INTS7: variants seen among roughly 807,000 people sequenced by gnomAD.
INTS7 encodes the protein chromosome 1 open reading frame 73.
In INTS7, 46 loss-of-function variants were observed where a neutral mutation model predicts 109.2. The observed-to-expected ratio is 0.42, with a 90% CI of 0.33 to 0.54. The LOEUF is 0.54. Among genes scored for constraint, INTS7 ranks in the 20% least tolerant of loss-of-function variants. The probability of loss-of-function intolerance (pLI) is 0.07; values close to 1 mark genes in which losing one functional copy is unlikely to be tolerated. For synonymous variants in INTS7, 412 were observed against 402.9 expected (o/e 1.02, Z -0.27); for missense variants, 929 against 1,132.4 (o/e 0.82, Z 2.58).
At chr1:212,014,833 G>A (rs952660735) in intron 4 of INTS7, among the ~76,000 whole-genome samples, 13 of 152,336 alleles carry the variant, frequency 8.5e-5, no homozygotes, top group Non-Finnish European at 1.8e-4. Flanking sequence ...ACGGAGTCTC[G>A]CTCACTCAGT....
At chr1:212,035,261 G>C in intron 1 of INTS7, 83 bp downstream of exon 1, 1 of 932,642 alleles carries the variant, frequency 1.1e-6, no homozygotes, top group Non-Finnish European at 1.8e-6. Flanking sequence ...GCGCCTATCC[G>C]TCTTCTCCCA....
Position 212,006,728 on chromosome 1 carries a change from G to T in INTS7, c.790C>A (p.Pro264Thr). The change falls in exon 7 of 20, where the codon CCC becomes ACC. Residue 264 changes from proline (P) to threonine (T), a missense_variant. By Grantham distance (38) the Pro-to-Thr change is conservative. Coordinates refer to ENST00000366994, the MANE Select transcript of INTS7 (RefSeq NM_015434.4). Reference sequence around the variant, plus strand: ...GCAAGTCTCTTTACTGCCTTCCTGGGATCATTCTTCAAATACTGCAACAGA... The same window carrying T: ...GCAAGTCTCTTTACTGCCTTCCTGGTATCATTCTTCAAATACTGCAACAGA... ...QLLLQYLKNDPRKAVKRLAIQ... is the reference protein window; with the variant it reads ...QLLLQYLKNDTRKAVKRLAIQ... The T allele has an allele frequency of 6.2e-7, 1 of 1,604,936 alleles. No homozygotes were observed. Among genetic ancestry groups the T allele is most frequent in the South Asian group, 1.1e-5 (1 of 89,842 alleles).
intron 8 of INTS7, among the ~76,000 whole-genome samples, chr1:211,984,340 C>G (rs1664799320): frequency 6.6e-6 from 1 of 151,360 alleles, no homozygotes; most frequent in Non-Finnish European, 1.5e-5. Context: ...CCAACACTCA[C>G]CATAGAAAAC....
intron 17 of INTS7, among the ~76,000 whole-genome samples, chr1:211,947,615 A>G (rs1036955020): frequency 3.3e-5 from 5 of 152,174 alleles, no homozygotes; most frequent in African/African-American, 1.2e-4. Flanking sequence ...ACGGATAAAT[A>G]AAGTATGCTG....
chr1:211,974,794 AACTTTAGTT>A (rs1334948084), intron 13 of INTS7, among the ~76,000 whole-genome samples: 4 of 152,152 alleles, frequency 2.6e-5, no homozygotes, highest in Non-Finnish European at 4.4e-5. Context: ...TAAAGCAAGA[AACTTTAGTT>A]ACTTAGTCAG....
At chr1:211,951,509 T>C (rs1571841681) in intron 17 of INTS7, among the ~76,000 whole-genome samples, 4 of 152,158 alleles carry the variant, frequency 2.6e-5, no homozygotes, top group Admixed American at 2.6e-4. Context: ...GGTTTCACCA[T>C]GTTAGTCAGG....
intron 7 of INTS7, among the ~76,000 whole-genome samples, chr1:212,004,113 G>C (rs753122996): frequency 6.6e-6 from 1 of 152,224 alleles, no homozygotes; most frequent in Non-Finnish European, 1.5e-5. Context: ...CGGAGGCTGA[G>C]GCAGGTGGAT....
intron 4 of INTS7, among the ~76,000 whole-genome samples, chr1:212,012,069 G>A (rs1395498342): frequency 1.3e-5 from 2 of 152,164 alleles, no homozygotes; most frequent in Non-Finnish European, 2.9e-5. Context: ...TTCCTGCACT[G>A]TTAACAATAG....
chr1:211,995,452 T>A (rs1665338526), intron 7 of INTS7, among the ~76,000 whole-genome samples: 1 of 152,080 alleles, frequency 6.6e-6, no homozygotes, highest in Admixed American at 6.6e-5. Flanking sequence ...CATACCTAGA[T>A]GACAGAGAAA....
intron 11 of INTS7, among the ~76,000 whole-genome samples, chr1:211,977,973 T>C (rs1558035768): frequency 6.6e-6 from 1 of 151,240 alleles, no homozygotes; most frequent in African/African-American, 2.4e-5. Flanking sequence ...TCCTTTGCAA[T>C]AAAAAAAAAC....
intron 16 of INTS7, among the ~76,000 whole-genome samples, chr1:211,964,361 G>A (rs1663774843): frequency 6.6e-6 from 1 of 152,166 alleles, no homozygotes; most frequent in South Asian, 2.1e-4. Flanking sequence ...CTCATGAATA[G>A]GAGAAATCAA....
chr1:211,964,121 T>G (rs1251170599), intron 16 of INTS7, among the ~76,000 whole-genome samples: 1 of 152,150 alleles, frequency 6.6e-6, no homozygotes, highest in African/African-American at 2.4e-5. Context: ...CTCCTTAAGC[T>G]GATAAACAAC....
rs1663537401 is a variant in INTS7, at chr1:211,959,861, C to A, written c.2183+6569G>T. ...AGTTACCAACAGGGTTCCCCTGCAC[C>A]CCACCGGCCACCTGCGCTGCCTCTG... On this transcript the variant is annotated intron_variant, in intron 16 of 19. Transcript: ENST00000366994. This position sits in a 1 kb window ranked among gnomAD's most constrained non-coding sequence, Gnocchi z 4.2. 6.6e-6 allele frequency among the ~76,000 whole-genome samples: 1 copy of A among 152,164 alleles called. No individual in the cohort carries two copies. Among genetic ancestry groups the A allele is most frequent in the South Asian group, 2.1e-4 (1 of 4,830 alleles).
chr1:212,011,134 G>C (rs1666150718), intron 5 of INTS7, among the ~76,000 whole-genome samples: 1 of 151,978 alleles, frequency 6.6e-6, no homozygotes, highest in Non-Finnish European at 1.5e-5. Flanking sequence ...AATGTCATAG[G>C]CACATTTGTC....
chr1:211,989,590 G>T (rs1039015502), intron 7 of INTS7, among the ~76,000 whole-genome samples: 17 of 152,178 alleles, frequency 1.1e-4, no homozygotes, highest in African/African-American at 4.1e-4. Flanking sequence ...GGGAGGCCGA[G>T]GCAGGAGGAT....
At chr1:211,958,703 C>A (rs1663474691) in intron 16 of INTS7, among the ~76,000 whole-genome samples, 1 of 152,120 alleles carries the variant, frequency 6.6e-6, no homozygotes, top group African/African-American at 2.4e-5. Context: ...TTTTTTCAGC[C>A]TTTTTTCTTC....
intron 16 of INTS7, 91 bp downstream of exon 16, chr1:211,966,339 G>A (rs537529627): frequency 2.7e-5 from 20 of 736,534 alleles, no homozygotes; most frequent in Admixed American, 7.1e-5. Flanking sequence ...TACTTCCATA[G>A]TACTAGCTCC....
At chr1:211,956,228 G>A (rs73091059) in intron 16 of INTS7, among the ~76,000 whole-genome samples, 5,222 of 152,116 alleles carry the variant, frequency 0.034, 301 homozygotes, top group African/African-American at 0.12. Flanking sequence ...GAGTATTTCT[G>A]GACTCTTAAT....
rs189738879 is a variant in INTS7, at chr1:211,964,308, A to G, written c.2183+2122T>C. Among the ~76,000 whole-genome samples, 26 of 152,342 alleles carry G rather than the reference A, an allele frequency of 1.7e-4. 1 individual carries two copies. In the East Asian group the frequency reaches 4.6e-3, roughly 27 times the overall value. Reference sequence around the variant, plus strand: ...GGAGATGAAAGCAAAACACTGCTCAACGAAATCAAAGATAACACAAACAAA... The same window carrying G: ...GGAGATGAAAGCAAAACACTGCTCAGCGAAATCAAAGATAACACAAACAAA... On this transcript the variant is annotated intron_variant, in intron 16 of 19. Coordinates refer to ENST00000366994, the MANE Select transcript of INTS7 (RefSeq NM_015434.4).
Sources: allele counts gnomAD v4.1 joint callset (sites outside exome capture counted in the v4.1 genomes callset), GRCh38; gene constraint gnomAD v4.1.1; non-coding constraint Gnocchi (gnomAD v3.1); transcripts MANE v1.5; gene names NCBI Gene and HGNC (gene_info 2026-07-23, HGNC 2026-07-21).